Variants in LGSN observed in about 807,000 individuals in gnomAD.
The protein encoded by LGSN is lengsin.
A neutral mutation model predicts 19.5 loss-of-function variants in LGSN; 21 were observed. The observed-to-expected ratio is 1.07, with a 90% confidence interval of 0.76 to 1.55. The LOEUF (loss-of-function observed/expected upper bound fraction) is 1.55, where lower values mean the gene tolerates loss of function less well. Among genes scored for constraint, LGSN ranks in the 40% most tolerant of loss-of-function variants. The probability of loss-of-function intolerance (pLI) is 0.00; values close to 1 mark genes in which losing one functional copy is unlikely to be tolerated. For missense variants in LGSN, 673 were observed against 608.5 expected (o/e 1.11, Z -1.12); for synonymous variants, 257 against 215.6 (o/e 1.19, Z -1.68).
chr6:63,302,729 A>G (rs544874667), intron 1 of LGSN, among the ~76,000 whole-genome samples: 1 of 152,298 alleles, frequency 6.6e-6, no homozygotes, highest in South Asian at 2.1e-4. Flanking sequence ...GAAGAAACGA[A>G]ATTTGTATTT....
chr6:63,526,046 C>A, the LGSN span, among the ~76,000 whole-genome samples: 1 of 152,212 alleles, frequency 6.6e-6, no homozygotes, highest in African/African-American at 2.4e-5. Context: ...ATTTCTAGGC[C>A]AGGCGCAGTG....
chr6:63,572,962 G>A, the LGSN span, among the ~76,000 whole-genome samples: 23 of 152,226 alleles, frequency 1.5e-4, 1 homozygote, highest in South Asian at 3.7e-3. Context: ...CGGAGGCACC[G>A]GCTTTTGAGT....
intron 1 of LGSN, among the ~76,000 whole-genome samples, chr6:63,297,906 G>A (rs939389420): frequency 1.3e-5 from 2 of 152,170 alleles, no homozygotes; most frequent in Non-Finnish European, 2.9e-5. Context: ...TTCAAAACAT[G>A]TTCAAACACT....
the LGSN span, among the ~76,000 whole-genome samples, chr6:63,450,595 AAAC>A: frequency 2.0e-5 from 3 of 151,958 alleles, no homozygotes. Context: ...AAACGTTAGT[AAAC>A]ATGTTATCTA....
At chr6:63,447,860 T>C in the LGSN span, among the ~76,000 whole-genome samples, 1 of 152,172 alleles carries the variant, frequency 6.6e-6, no homozygotes, top group Admixed American at 6.5e-5. Context: ...CTATGAAACA[T>C]GTTATTGATA....
the LGSN span, chr6:63,480,389 G>C: frequency 9.6e-6 from 2 of 207,332 alleles, no homozygotes. Context: ...TAATGTGGAA[G>C]ATAGTAGAGG....
chr6:63,285,368 T>C (rs978112105), intron 3 of LGSN, among the ~76,000 whole-genome samples: 6 of 152,334 alleles, frequency 3.9e-5, no homozygotes, highest in African/African-American at 1.4e-4. Context: ...TGTATTTCTA[T>C]TGGGTAAAGA....
chr6:63,455,584 G>A, the LGSN span, among the ~76,000 whole-genome samples: 121 of 151,938 alleles, frequency 8.0e-4, no homozygotes, highest in Middle Eastern at 3.4e-3. Context: ...ATGAAACCCC[G>A]TCTCTACTAT....
intron 1 of LGSN, among the ~76,000 whole-genome samples, chr6:63,304,375 C>T (rs989119437): frequency 1.2e-4 from 18 of 152,222 alleles, no homozygotes; most frequent in Admixed American, 9.2e-4. Flanking sequence ...GATTTTACTG[C>T]AAAACCTGTG....
the LGSN span, among the ~76,000 whole-genome samples, chr6:63,326,953 C>T: frequency 6.6e-6 from 1 of 152,244 alleles, no homozygotes; most frequent in African/African-American, 2.4e-5. Context: ...AGTGGGAGCC[C>T]AGGCAGAGGA....
At chr6:63,373,961 C>T in the LGSN span, among the ~76,000 whole-genome samples, 13 of 151,462 alleles carry the variant, frequency 8.6e-5, no homozygotes, top group Admixed American at 6.6e-4. Flanking sequence ...GGTGGGGTGG[C>T]GGGGGAGTGG....
the LGSN span, among the ~76,000 whole-genome samples, chr6:63,397,616 G>GA: frequency 6.9e-4 from 102 of 148,696 alleles, no homozygotes; most frequent in African/African-American, 2.1e-3. Flanking sequence ...CTTGTTAATA[G>GA]AAAAAAAAAA....
chr6:63,333,088 G>A, the LGSN span, among the ~76,000 whole-genome samples: 4 of 151,914 alleles, frequency 2.6e-5, no homozygotes, highest in Non-Finnish European at 5.9e-5. Context: ...ATTGCAAAAA[G>A]TGAAAGAAAA....
chr6:63,294,895 C>G lies in LGSN; in HGVS notation c.163+18G>C. On this transcript the variant is annotated intron_variant, in intron 2 of 3. Transcript: ENST00000370657. Reference sequence around the variant, plus strand: ...CCTCTGACCACACCATTTTTGAGGACTCAGAGTAGTTAGATACCATTTGAA... The same window carrying G: ...CCTCTGACCACACCATTTTTGAGGAGTCAGAGTAGTTAGATACCATTTGAA... The G allele has an allele frequency of 6.2e-7, 1 of 1,613,190 alleles. No individual in the cohort carries two copies. Among genetic ancestry groups the G allele is most frequent in the Non-Finnish European group, 8.5e-7 (1 of 1,179,408 alleles).
At chr6:63,475,484 A>G in the LGSN span, among the ~76,000 whole-genome samples, 2 of 152,202 alleles carry the variant, frequency 1.3e-5, no homozygotes, top group Admixed American at 1.3e-4. Context: ...ATGATTAATA[A>G]AATTCAGTGA....
At chr6:63,491,960 C>T in the LGSN span, among the ~76,000 whole-genome samples, 1 of 150,732 alleles carries the variant, frequency 6.6e-6, no homozygotes, top group African/African-American at 2.4e-5. Context: ...ACCCGGGAGG[C>T]GGAAGTTGCA....
the LGSN span, among the ~76,000 whole-genome samples, chr6:63,504,684 T>G: frequency 6.6e-6 from 1 of 152,194 alleles, no homozygotes; most frequent in African/African-American, 2.4e-5. Context: ...CCTCATGTGA[T>G]CCACCCACCT....
the LGSN span, among the ~76,000 whole-genome samples, chr6:63,566,960 C>T: frequency 4.6e-5 from 7 of 152,214 alleles, no homozygotes; most frequent in Admixed American, 2.6e-4. Context: ...CAAGAAACCA[C>T]TCTCTTTTCT....
At chr6:63,519,342 C>T in the LGSN span, among the ~76,000 whole-genome samples, 1 of 151,944 alleles carries the variant, frequency 6.6e-6, no homozygotes, top group African/African-American at 2.4e-5. Flanking sequence ...CATATCAGTT[C>T]AGTACAGTTT....
Sources: gnomAD v4.1 joint callset for allele counts (sites outside exome capture counted in the v4.1 genomes callset) on GRCh38, gnomAD v4.1.1 for gene constraint, MANE v1.5 for transcripts, NCBI Gene and HGNC (gene_info 2026-07-23, HGNC 2026-07-21) for gene names.